Variants in XXYLT1 observed in about 807,000 individuals in gnomAD.
The protein encoded by XXYLT1 is xyloside xylosyltransferase 1.
A neutral mutation model predicts 28.9 loss-of-function variants in XXYLT1; 20 were observed. The observed-to-expected ratio is 0.69, with a 90% CI of 0.49 to 1.00. XXYLT1 has a LOEUF of 1.00. Ranked by LOEUF, XXYLT1 falls within the 50% of genes least tolerant of loss-of-function variation. XXYLT1 has a pLI of 0.00. For missense variants in XXYLT1, 542 were observed against 560.1 expected (o/e 0.97, Z 0.33); for synonymous variants, 257 against 253.8 (o/e 1.01, Z -0.12).
At chr3:195,140,281 T>C (rs1719414989) in intron 3 of XXYLT1, among the ~76,000 whole-genome samples, 1 of 152,214 alleles carries the variant, frequency 6.6e-6, no homozygotes, top group Non-Finnish European at 1.5e-5. Context: ...AATTAGTCTA[T>C]AGGCAACGTT....
In XXYLT1 at chr3:195,195,858, T is replaced by C. The variant is rs1309219441; in HGVS notation, c.652+30851A>G. 6.6e-6 allele frequency among the ~76,000 whole-genome samples: 1 copy of C among 152,160 alleles called. No homozygotes were observed. Among genetic ancestry groups the C allele is most frequent in the Admixed American group, 6.5e-5 (1 of 15,282 alleles). The stretch of plus-strand genomic sequence containing the variant: ...GACACAGTCCTGTTGCATTGAAGTA[T>C]CCAATGAGCTCCAGTGAGCCTGAGC... On this transcript the variant is annotated intron_variant, in intron 2 of 3. Transcript: ENST00000310380. This position sits in a 1 kb window ranked among gnomAD's most constrained non-coding sequence, Gnocchi z 4.4.
intron 1 of XXYLT1, among the ~76,000 whole-genome samples, chr3:195,228,734 C>T (rs1181196840): frequency 5.9e-5 from 9 of 151,910 alleles, no homozygotes; most frequent in South Asian, 2.1e-4. Context: ...GTGATGCGCC[C>T]GCCTCGGCCT....
At chr3:195,156,717 G>C in intron 2 of XXYLT1, 136 bp from the exon 3 acceptor site, 1 of 1,186,748 alleles carries the variant, frequency 8.4e-7, no homozygotes, top group Non-Finnish European at 1.2e-6. Context: ...CACAGTTACC[G>C]CTGGAACAAA....
chr3:195,154,568 C>T (rs1055778001), intron 3 of XXYLT1, among the ~76,000 whole-genome samples: 12 of 152,248 alleles, frequency 7.9e-5, no homozygotes, highest in Non-Finnish European at 1.3e-4. Context: ...CCAGGGAGCG[C>T]GTGCACAACC....
chr3:195,167,347 T>C (rs1437881941), intron 2 of XXYLT1, among the ~76,000 whole-genome samples: 2 of 152,144 alleles, frequency 1.3e-5, no homozygotes, highest in Admixed American at 1.3e-4. Context: ...TCTCAACACT[T>C]TGGGAGGCCG....
At chr3:195,130,401 G>A (rs933405916) in intron 3 of XXYLT1, among the ~76,000 whole-genome samples, 1 of 152,270 alleles carries the variant, frequency 6.6e-6, no homozygotes, top group African/African-American at 2.4e-5. Flanking sequence ...GATGAGTGAA[G>A]ATGGGGTGGA....
intron 3 of XXYLT1, among the ~76,000 whole-genome samples, chr3:195,089,926 A>G (rs1299584472): frequency 6.6e-6 from 1 of 152,190 alleles, no homozygotes; most frequent in Non-Finnish European, 1.5e-5. Context: ...AAAAGAGACA[A>G]AGAAGGCCAT....
Position 195,176,494 on chromosome 3 carries a change from C to T in XXYLT1, c.653-19913G>A, listed in dbSNP as rs1456954073. Among the ~76,000 whole-genome samples the T allele has an allele frequency of 6.6e-6, 1 of 152,198 alleles. No homozygotes were observed. Among genetic ancestry groups the T allele is most frequent in the Non-Finnish European group, 1.5e-5 (1 of 68,048 alleles). On this transcript the variant is annotated intron_variant, in intron 2 of 3. Coordinates refer to ENST00000310380, the MANE Select transcript of XXYLT1 (RefSeq NM_152531.5). The surrounding 1 kb of genome is among the most constrained non-coding windows in gnomAD (Gnocchi z 4.9). ...GAGAAGCAGATCTTGAATATTCTGT[C>T]TTCGGTTTCAAACACAACAATCTTG...
chr3:195,241,042 A>G (rs1389637430), intron 1 of XXYLT1, among the ~76,000 whole-genome samples: 5 of 152,212 alleles, frequency 3.3e-5, no homozygotes, highest in African/African-American at 1.2e-4. Flanking sequence ...TCTGCCTCCC[A>G]ATTGGAAATG....
At position 195,076,788 on chromosome 3, in the gene XXYLT1, G is replaced by A. The variant is rs115095550; in HGVS notation, c.786-6677C>T. 0.015 allele frequency among the ~76,000 whole-genome samples: 2,306 copies of A among 152,150 alleles called. 54 individuals carry two copies. Among genetic ancestry groups the A allele is most frequent in the African/African-American group, 0.051 (2,133 of 41,470 alleles). On this transcript the variant is annotated intron_variant, in intron 3 of 3. Coordinates refer to ENST00000310380, the MANE Select transcript of XXYLT1 (RefSeq NM_152531.5). The surrounding 1 kb of genome is among the most constrained non-coding windows in gnomAD (Gnocchi z 5.3). ...CTCTCTGCCTTCATATTCACATGGCGTTCTCCCTGCGTGCACGTGCCTCTG... is the reference window on the plus strand; with the variant it reads ...CTCTCTGCCTTCATATTCACATGGCATTCTCCCTGCGTGCACGTGCCTCTG...
intron 1 of XXYLT1, among the ~76,000 whole-genome samples, chr3:195,254,412 A>G (rs1045681575): frequency 1.3e-5 from 2 of 152,226 alleles, no homozygotes; most frequent in African/African-American, 2.4e-5. Flanking sequence ...CTGTGAGGAA[A>G]CTGGGGGCCA....
intron 1 of XXYLT1, among the ~76,000 whole-genome samples, chr3:195,230,095 T>C (rs955455362): frequency 5.3e-5 from 8 of 152,234 alleles, no homozygotes; most frequent in African/African-American, 1.7e-4. Flanking sequence ...TGAGATGATA[T>C]CTCATTGTAG....
chr3:195,182,981 A>G (rs760735759), intron 2 of XXYLT1, among the ~76,000 whole-genome samples: 73 of 152,372 alleles, frequency 4.8e-4, no homozygotes, highest in Admixed American at 1.8e-3. Context: ...ACGTTTTTAC[A>G]CACTTCATCT....
At chr3:195,247,817 G>C (rs562567665) in intron 1 of XXYLT1, 1 of 702,726 alleles carries the variant, frequency 1.4e-6, no homozygotes, top group South Asian at 1.5e-5. Flanking sequence ...CAATCACGGC[G>C]GAAGGGACAC....
chr3:195,140,296 C>T (rs776008197), intron 3 of XXYLT1, among the ~76,000 whole-genome samples: 8 of 152,196 alleles, frequency 5.3e-5, no homozygotes, highest in Non-Finnish European at 1.0e-4. Flanking sequence ...AACGTTAGCA[C>T]CACCCAATAG....
chr3:195,247,236 G>A (rs1197646167), intron 1 of XXYLT1, among the ~76,000 whole-genome samples: 1 of 152,230 alleles, frequency 6.6e-6, no homozygotes, highest in Non-Finnish European at 1.5e-5. Flanking sequence ...GGCCGTTCCA[G>A]GATTTCACTG....
intron 3 of XXYLT1, 137 bp downstream of exon 3, chr3:195,156,312 G>T: frequency 7.0e-7 from 1 of 1,423,872 alleles, no homozygotes; most frequent in Non-Finnish European, 9.4e-7. Flanking sequence ...TAAGCAATAA[G>T]TACCAATGTG....
At chr3:195,072,976 A>G (rs1290613593) in intron 3 of XXYLT1, among the ~76,000 whole-genome samples, 1 of 152,186 alleles carries the variant, frequency 6.6e-6, no homozygotes, top group Non-Finnish European at 1.5e-5. Context: ...AGTACCGCCA[A>G]TCCCCCCAAC....
chr3:195,119,582 G>C (rs1326478596), intron 3 of XXYLT1, among the ~76,000 whole-genome samples: 1 of 152,134 alleles, frequency 6.6e-6, no homozygotes, highest in East Asian at 1.9e-4. Context: ...CCTAGCCCGG[G>C]CCCCGCACAG....
Sources: allele counts gnomAD v4.1 joint callset (sites outside exome capture counted in the v4.1 genomes callset), GRCh38; gene constraint gnomAD v4.1.1; non-coding constraint Gnocchi (gnomAD v3.1); transcripts MANE v1.5; gene names NCBI Gene and HGNC (gene_info 2026-07-23, HGNC 2026-07-21).